Variants in EZH2 observed in about 807,000 individuals in gnomAD.
EZH2 encodes histone-lysine N-methyltransferase EZH2.
EZH2 carries 18 observed loss-of-function variants against 98.4 expected under a neutral mutation model. That is an observed-to-expected ratio of 0.18 (90% CI 0.13 to 0.27). The LOEUF is 0.27. EZH2 is among the 10% of genes least tolerant of loss of function. EZH2 has a pLI of 1.00. For missense variants in EZH2, 470 were observed against 935.1 expected, an observed-to-expected ratio of 0.50 and a Z score of 6.49; for synonymous variants, 338 against 312.3, an observed-to-expected ratio of 1.08 and a Z score of -0.87.
rs763149715 is a variant in EZH2 at position 148,817,985 on chromosome 7, G to A, written c.1132C>T (p.Leu378=). The change falls in exon 10 of 20, where the codon CTG becomes TTG. Residue 378 remains leucine (L), a synonymous_variant. Transcript: ENST00000320356. ...TCACTGTCTGTATCCTTTGATTCCA[G>A]CACATTAATGGTGGGGGTGCTGGGC... The part of the protein sequence containing the change: ...SRPSTPTINV[L]ESKDTDSDRE... The A allele has an allele frequency of 5.0e-6, 8 of 1,613,944 alleles. No homozygotes were observed. The highest frequency in any genetic ancestry group is 4.4e-5 in the South Asian group (4 of 91,074).
In EZH2 at chr7:148,809,398, GAA is replaced by G. The variant is rs752012469; in HGVS notation, c.2030-10_2030-9del. On this transcript the variant is annotated splice_polypyrimidine_tract_variant and intron_variant, in intron 17 of 19. Coordinates refer to ENST00000320356, the MANE Select transcript of EZH2 (RefSeq NM_004456.5). ...TTGCATCCACCACAAAATCTAAAAAGAAAAAAGTAAGCACAGCCCAGTGAATA... is the reference window on the plus strand; with the variant it reads ...TTGCATCCACCACAAAATCTAAAAAGAAAAGTAAGCACAGCCCAGTGAATA... The G allele has an allele frequency of 6.3e-7, 1 of 1,592,042 alleles. No individual in the cohort carries two copies. The highest frequency in any genetic ancestry group is 1.3e-5 in the African/African-American group (1 of 74,292).
At position 148,884,192 on chromosome 7, in the gene EZH2, T is replaced by C. The variant is rs868002928; in HGVS notation, c.-36A>G. 7 of 165,920 alleles carry C rather than the reference T, an allele frequency of 4.2e-5. No homozygotes were observed. The highest frequency in any genetic ancestry group is 7.9e-5 in the Non-Finnish European group (6 of 76,380). 10.3% of individuals were successfully genotyped at this position (165,920 alleles called of 1,614,324 possible). On this transcript the variant is annotated 5_prime_UTR_variant, in exon 1 of 20. Transcript: ENST00000320356. ...CGTCCCGCGCGCCGACTCGCGTTGT[T>C]CCCGCGCGTCGCCCCCGCGCGCCGC...
intron 1 of EZH2, among the ~76,000 whole-genome samples, chr7:148,865,440 C>G (rs1818304678): frequency 6.6e-6 from 1 of 152,178 alleles, no homozygotes; most frequent in East Asian, 1.9e-4. Context: ...AAGCGTTTGC[C>G]TAAGTGAGCA....
intron 1 of EZH2, among the ~76,000 whole-genome samples, chr7:148,877,549 TATC>T (rs1166148175): frequency 1.3e-5 from 2 of 152,196 alleles, no homozygotes; most frequent in African/African-American, 4.8e-5. Context: ...TATCAGATGT[TATC>T]ATTATCCTCA....
chr7:148,812,808 A>G (rs1439345058), intron 15 of EZH2, among the ~76,000 whole-genome samples: 1 of 152,194 alleles, frequency 6.6e-6, no homozygotes, highest in Non-Finnish European at 1.5e-5. Context: ...TGCCTAGAGT[A>G]AAATCATCTA....
chr7:148,823,719 T>C (rs1461598073), intron 8 of EZH2, among the ~76,000 whole-genome samples: 3 of 151,774 alleles, frequency 2.0e-5, no homozygotes, highest in Middle Eastern at 6.8e-3. Context: ...GGCATGATCA[T>C]AGCTCACTGC....
chr7:148,874,539 G>A (rs540495944), intron 1 of EZH2, among the ~76,000 whole-genome samples: 2 of 152,148 alleles, frequency 1.3e-5, no homozygotes, highest in Admixed American at 6.5e-5. Context: ...ACAATGCCAC[G>A]ATCACCTACA....
At chr7:148,843,579 A>G (rs954592028) in intron 3 of EZH2, among the ~76,000 whole-genome samples, 4 of 138,606 alleles carry the variant, frequency 2.9e-5, no homozygotes, top group South Asian at 2.3e-4. Context: ...AAATGGGAGT[A>G]TAAGTTTTTT....
At chr7:148,813,168 C>A (rs1563199118) in intron 15 of EZH2, among the ~76,000 whole-genome samples, 1 of 151,950 alleles carries the variant, frequency 6.6e-6, no homozygotes, top group Non-Finnish European at 1.5e-5. Context: ...GTTTCCTTAC[C>A]CGTAAAATGG....
chr7:148,810,153 A>T (rs967533024), intron 17 of EZH2, 180 bp downstream of exon 17: 1 of 489,492 alleles, frequency 2.0e-6, no homozygotes, highest in African/African-American at 1.9e-5. Flanking sequence ...CATCTAGTCT[A>T]TCTGCTCCCT....
In EZH2 at chr7:148,817,859, T is replaced by TTA. The variant is rs781652775; in HGVS notation, c.1240+16_1240+17dup. ...ACTTTCACAGAACAGTAAAACCCAG[T>TTA]TATTAGACGTGTCTTACCAGAGGAG... On this transcript the variant is annotated intron_variant, in intron 10 of 19. Transcript: ENST00000320356. The TTA allele has an allele frequency of 6.2e-7, 1 of 1,614,026 alleles. No individual in the cohort carries two copies. Among genetic ancestry groups the TTA allele is most frequent in the Admixed American group, 1.7e-5 (1 of 60,000 alleles).
At chr7:148,857,919 G>T (rs1302948749) in intron 1 of EZH2, among the ~76,000 whole-genome samples, 1 of 151,430 alleles carries the variant, frequency 6.6e-6, no homozygotes, top group Admixed American at 6.6e-5. Context: ...ATCTAAAAAT[G>T]TTACATAAAA....
chr7:148,815,085 GAA>G, intron 13 of EZH2, 46 bp from the exon 14 acceptor site: 3 of 1,601,022 alleles, frequency 1.9e-6, no homozygotes, highest in Non-Finnish European at 2.6e-6. Context: ...CAGGGAGATG[GAA>G]ACGATCATAC....
chr7:148,808,177 G>A lies in EZH2; in HGVS notation c.2196-471C>T, dbSNP rs937991883. On this transcript the variant is annotated intron_variant, in intron 19 of 19. Coordinates refer to ENST00000320356, the MANE Select transcript of EZH2 (RefSeq NM_004456.5). Reference sequence around the variant, plus strand: ...GAGTGCAGCGGACACCCAGAGAGGAGCACAAGAAGCCCACCATGGGGGGTG... The same window carrying A: ...GAGTGCAGCGGACACCCAGAGAGGAACACAAGAAGCCCACCATGGGGGGTG... Among the ~76,000 whole-genome samples the A allele has an allele frequency of 5.9e-5, 9 of 152,226 alleles. No homozygotes were observed. In the South Asian group the frequency reaches 1.9e-3, roughly 32 times the overall value.
chr7:148,815,667 T>C (rs1259967681), intron 12 of EZH2, 121 bp from the exon 13 acceptor site: 2 of 846,156 alleles, frequency 2.4e-6, no homozygotes, highest in Non-Finnish European at 4.0e-6. Context: ...CCAAGAGTCA[T>C]GCCCTGCCCA....
At chr7:148,823,423 T>G (rs758801973) in intron 8 of EZH2, among the ~76,000 whole-genome samples, 4 of 152,126 alleles carry the variant, frequency 2.6e-5, no homozygotes, top group Admixed American at 1.3e-4. Flanking sequence ...AGCTACAATA[T>G]TAAATCCTAT....
At chr7:148,815,081 GATGGAA>G in intron 13 of EZH2, 42 bp from the exon 14 acceptor site, 1 of 1,601,734 alleles carries the variant, frequency 6.2e-7, no homozygotes, top group Non-Finnish European at 8.5e-7. Context: ...AATCCAGGGA[GATGGAA>G]ACGATCATAC....
At chr7:148,837,098 C>G in intron 3 of EZH2, 1 of 415,026 alleles carries the variant, frequency 2.4e-6, no homozygotes, top group African/African-American at 2.0e-5. Context: ...CACAACTACC[C>G]TGTGAGGTAG....
intron 8 of EZH2, among the ~76,000 whole-genome samples, chr7:148,826,052 A>C (rs1042690057): frequency 6.6e-6 from 1 of 152,192 alleles, no homozygotes; most frequent in African/African-American, 2.4e-5. Flanking sequence ...AATAAAATAA[A>C]ATTACATTAA....
Sources: gnomAD v4.1 joint callset for allele counts (sites outside exome capture counted in the v4.1 genomes callset) on GRCh38, gnomAD v4.1.1 for gene constraint, MANE v1.5 for transcripts, NCBI Gene and HGNC (gene_info 2026-07-23, HGNC 2026-07-21) for gene names.